The following BCAS4 variants were observed in gnomAD, a reference collection of about 807,000 sequenced individuals.
The protein encoded by BCAS4 is breast carcinoma-amplified sequence 4.
In BCAS4, 9 loss-of-function variants were observed where a neutral mutation model predicts 15.7. The ratio of observed to expected loss-of-function variants is 0.57; its 90% CI spans 0.34 to 1.00. The LOEUF (loss-of-function observed/expected upper bound fraction) is 1.00, where lower values mean the gene tolerates loss of function less well. Among genes scored for constraint, BCAS4 ranks in the 50% least tolerant of loss-of-function variants. The pLI is 0.02. For missense variants in BCAS4, 225 were observed against 239.1 expected (o/e 0.94, Z 0.39); for synonymous variants, 101 against 99.5 (o/e 1.02, Z -0.09).
intron 4 of BCAS4, among the ~76,000 whole-genome samples, chr20:50,869,573 T>C (rs1017769607): frequency 6.6e-6 from 1 of 152,092 alleles, no homozygotes; most frequent in African/African-American, 2.4e-5. Flanking sequence ...GGACAGTCAC[T>C]GAGGTGGGCC....
At chr20:50,844,887 G>A (rs2088525027) in intron 4 of BCAS4, among the ~76,000 whole-genome samples, 1 of 152,120 alleles carries the variant, frequency 6.6e-6, no homozygotes, top group Non-Finnish European at 1.5e-5. Context: ...GGCCAGGGGT[G>A]GGTGAGTCAT....
chr20:50,869,429 C>G (rs1266233678), intron 4 of BCAS4, among the ~76,000 whole-genome samples: 2 of 152,176 alleles, frequency 1.3e-5, no homozygotes, highest in South Asian at 2.1e-4. Context: ...TGTCCACCCC[C>G]CCTTTTGGGG....
intron 1 of BCAS4, among the ~76,000 whole-genome samples, chr20:50,815,180 G>T (rs2088122917): frequency 6.6e-6 from 1 of 152,190 alleles, no homozygotes; most frequent in South Asian, 2.1e-4. Context: ...AGAGGGTAAG[G>T]TGAACCCAGA....
At chr20:50,859,970 A>C (rs1978985327) in intron 4 of BCAS4, among the ~76,000 whole-genome samples, 1 of 151,996 alleles carries the variant, frequency 6.6e-6, no homozygotes, top group Non-Finnish European at 1.5e-5. Context: ...GGAGACCCCC[A>C]TCTCAAAAGA....
At chr20:50,806,228 G>T (rs761498807) in intron 1 of BCAS4, among the ~76,000 whole-genome samples, 1 of 152,178 alleles carries the variant, frequency 6.6e-6, no homozygotes, top group South Asian at 2.1e-4. Flanking sequence ...TTCAAATGGG[G>T]AGTCAGAAGC....
intron 1 of BCAS4, among the ~76,000 whole-genome samples, chr20:50,813,674 CTTTTTTTTTTTTT>C (rs965295871): frequency 2.4e-5 from 2 of 82,388 alleles, no homozygotes; most frequent in East Asian, 7.4e-4. Flanking sequence ...GGTGGAGGAC[CTTTTTTTTTTTTT>C]TTTTTTTTTT....
At chr20:50,810,739 C>T (rs1035196920) in intron 1 of BCAS4, among the ~76,000 whole-genome samples, 8 of 151,828 alleles carry the variant, frequency 5.3e-5, no homozygotes, top group African/African-American at 1.5e-4. Context: ...TACAGCCGCC[C>T]GCAACAACGC....
intron 1 of BCAS4, among the ~76,000 whole-genome samples, chr20:50,799,872 A>C (rs2087907184): frequency 6.6e-6 from 1 of 152,260 alleles, no homozygotes; most frequent in South Asian, 2.1e-4. Flanking sequence ...CCTGGGCAAC[A>C]TGGCAAAATC....
chr20:50,878,077 TAAAAAC>T (rs1440630206), downstream of BCAS4: 1 of 114,272 alleles, frequency 8.8e-6, no homozygotes, highest in East Asian at 2.5e-4. Flanking sequence ...TTTTAAAAAT[TAAAAAC>T]AGAAAAGCAG....
At chr20:50,875,933 C>T (rs1454031600) in intron 4 of BCAS4, 1 of 456,178 alleles carries the variant, frequency 2.2e-6, no homozygotes, top group Non-Finnish European at 4.4e-6. Context: ...TCTGCCAGAA[C>T]ATATTGATCT....
chr20:50,798,316 A>C (rs547630894), intron 1 of BCAS4, among the ~76,000 whole-genome samples: 9 of 152,126 alleles, frequency 5.9e-5, no homozygotes, highest in East Asian at 5.9e-4. Context: ...AACAAACAAA[A>C]AAAACCCAAA....
intron 2 of BCAS4, among the ~76,000 whole-genome samples, chr20:50,819,896 G>A (rs990526976): frequency 6.6e-6 from 1 of 151,742 alleles, no homozygotes; most frequent in Non-Finnish European, 1.5e-5. Flanking sequence ...TGTCCCCCAG[G>A]CTGGAGTGCC....
chr20:50,811,625 C>G (rs559834688), intron 1 of BCAS4, among the ~76,000 whole-genome samples: 2 of 152,276 alleles, frequency 1.3e-5, no homozygotes, highest in East Asian at 3.9e-4. Context: ...TTTCCTCCCT[C>G]CCTTCCTTTT....
intron 4 of BCAS4, among the ~76,000 whole-genome samples, chr20:50,866,291 A>G (rs958387323): frequency 2.0e-5 from 3 of 152,146 alleles, no homozygotes; most frequent in Admixed American, 6.5e-5. Flanking sequence ...AGGCCTCTCC[A>G]CTGGCATCCT....
chr20:50,809,114 G>A (rs1049453735), intron 1 of BCAS4, among the ~76,000 whole-genome samples: 2 of 151,864 alleles, frequency 1.3e-5, no homozygotes, highest in Non-Finnish European at 1.5e-5. Flanking sequence ...TCTGGTTTTT[G>A]TTTACTTTGT....
intron 3 of BCAS4, among the ~76,000 whole-genome samples, chr20:50,838,096 C>T (rs550105703): frequency 6.6e-6 from 1 of 152,348 alleles, no homozygotes; most frequent in East Asian, 1.9e-4. Context: ...AGAGAAGCCT[C>T]CATCTTGGGT....
intron 3 of BCAS4, among the ~76,000 whole-genome samples, chr20:50,838,019 CACAT>C (rs1383295545): frequency 5.2e-4 from 79 of 151,440 alleles, no homozygotes; most frequent in Admixed American, 2.1e-3. Context: ...CACACACACA[CACAT>C]GACGTGGCTG....
At chr20:50,827,007 AAAACAAAC>A (rs552470103) in intron 2 of BCAS4, among the ~76,000 whole-genome samples, 1 of 151,680 alleles carries the variant, frequency 6.6e-6, no homozygotes, top group Non-Finnish European at 1.5e-5. Flanking sequence ...CCCCCCACCA[AAAACAAAC>A]AAACAAACAA....
intron 4 of BCAS4, among the ~76,000 whole-genome samples, chr20:50,873,526 A>G (rs1229672021): frequency 6.6e-6 from 1 of 152,358 alleles, no homozygotes; most frequent in Non-Finnish European, 1.5e-5. Flanking sequence ...TCTAGATATC[A>G]TGACAGCCAG....
Sources: allele counts gnomAD v4.1 joint callset (sites outside exome capture counted in the v4.1 genomes callset), GRCh38; gene constraint gnomAD v4.1.1; transcripts MANE v1.5; gene names NCBI Gene and HGNC (gene_info 2026-07-23, HGNC 2026-07-21).